The following ETS1 variants were observed in gnomAD, a reference collection of about 807,000 sequenced individuals.
ETS1 encodes the protein protein C-ets-1.
A neutral mutation model predicts 58.6 loss-of-function variants in ETS1; 15 were observed. That is an observed-to-expected ratio of 0.26 (90% CI 0.17 to 0.39). ETS1 has a LOEUF of 0.39. ETS1 is among the 10% of genes least tolerant of loss of function. ETS1 has a pLI of 1.00. For synonymous variants in ETS1, 214 were observed against 218.2 expected (o/e 0.98, Z 0.17); for missense variants, 417 against 610.5 (o/e 0.68, Z 3.34).
intron 7 of ETS1, among the ~76,000 whole-genome samples, chr11:128,482,743 T>C (rs1862521804): frequency 6.6e-6 from 1 of 152,152 alleles, no homozygotes; most frequent in Admixed American, 6.5e-5. Context: ...GCTGCTGCGC[T>C]CATGTAGGGA....
chr11:128,552,509 T>G (rs1430823647), intron 3 of ETS1, among the ~76,000 whole-genome samples: 1 of 152,240 alleles, frequency 6.6e-6, no homozygotes. Context: ...AGCAAGTATT[T>G]TGCAAAAGTG....
At chr11:128,584,737 C>G (rs953039856) in intron 1 of ETS1, among the ~76,000 whole-genome samples, 2 of 151,758 alleles carry the variant, frequency 1.3e-5, no homozygotes, top group Non-Finnish European at 2.9e-5. Flanking sequence ...TAATTTTTCC[C>G]AGGATTGAAG....
In ETS1 at chr11:128,509,106, C is replaced by G. The variant is rs77836973; in HGVS notation, c.215-18530G>C. On this transcript the variant is annotated intron_variant, in intron 3 of 9. Transcript: ENST00000392668. ...CCAGATCCTTTGGAGACTTTGCAGT[C>G]AGCCTGAAATTTCAAAGTTCTTTCA... 9.2e-3 allele frequency among the ~76,000 whole-genome samples: 1,397 copies of G among 152,242 alleles called. 15 individuals carry two copies. Among genetic ancestry groups the G allele is most frequent in the African/African-American group, 0.032 (1,327 of 41,526 alleles).
intron 3 of ETS1, chr11:128,522,147 G>A (rs1863695551): frequency 2.4e-5 from 31 of 1,314,110 alleles, no homozygotes; most frequent in Non-Finnish European, 3.0e-5. Flanking sequence ...TCTTTCCCCC[G>A]CGCCCGGACG....
intron 5 of ETS1, among the ~76,000 whole-genome samples, chr11:128,487,653 C>A (rs981044288): frequency 6.6e-6 from 1 of 152,028 alleles, no homozygotes; most frequent in Non-Finnish European, 1.5e-5. Context: ...GCAGGAGAAT[C>A]GCTTGAACCT....
intron 3 of ETS1, among the ~76,000 whole-genome samples, chr11:128,553,981 A>G (rs567885669): frequency 6.6e-6 from 1 of 152,296 alleles, no homozygotes; most frequent in East Asian, 1.9e-4. Flanking sequence ...TTTATATTCA[A>G]CACATCTCCA....
intron 3 of ETS1, chr11:128,529,065 A>G (rs550437448): frequency 1.3e-5 from 2 of 152,334 alleles, no homozygotes; most frequent in Non-Finnish European, 2.9e-5. Context: ...TGAATCTTTT[A>G]TTTCACTGGC....
chr11:128,504,680 G>A (rs929129637), intron 3 of ETS1, among the ~76,000 whole-genome samples: 2 of 152,124 alleles, frequency 1.3e-5, no homozygotes, highest in Non-Finnish European at 2.9e-5. Context: ...CTAGAACTCT[G>A]GCTCCCTCTC....
chr11:128,573,896 C>G (rs981110863), intron 1 of ETS1, among the ~76,000 whole-genome samples: 1 of 152,144 alleles, frequency 6.6e-6, no homozygotes, highest in Non-Finnish European at 1.5e-5. Context: ...TTTAAAAAGT[C>G]GTTCTTGAAT....
At chr11:128,536,299 T>G (rs1022856124) in intron 3 of ETS1, 6 of 152,068 alleles carry the variant, frequency 3.9e-5, no homozygotes, top group Admixed American at 1.3e-4. Flanking sequence ...CCAAGTAAAC[T>G]ATAAGGCAGA....
intron 1 of ETS1, among the ~76,000 whole-genome samples, chr11:128,582,745 G>C (rs931768580): frequency 6.6e-6 from 1 of 152,076 alleles, no homozygotes; most frequent in Non-Finnish European, 1.5e-5. Context: ...ATAAAACCAA[G>C]AAGTAAGCAT....
chr11:128,477,444 C>CA (rs1425526430), intron 8 of ETS1, among the ~76,000 whole-genome samples: 2 of 152,164 alleles, frequency 1.3e-5, no homozygotes, highest in African/African-American at 4.8e-5. Context: ...CATTTATAGG[C>CA]ACTCTAGTGA....
intron 3 of ETS1, among the ~76,000 whole-genome samples, chr11:128,546,153 C>A (rs2135547239): frequency 6.6e-6 from 1 of 152,322 alleles, no homozygotes; most frequent in South Asian, 2.1e-4. Context: ...CTGGGAAGTT[C>A]AAAGTAGTTG....
chr11:128,468,278 G>T (rs1862092292), intron 8 of ETS1, among the ~76,000 whole-genome samples: 1 of 152,156 alleles, frequency 6.6e-6, no homozygotes, highest in South Asian at 2.1e-4. Context: ...GAGCTGCAAG[G>T]CCCACTATCT....
At chr11:128,569,286 C>G (rs1864571681) in intron 2 of ETS1, among the ~76,000 whole-genome samples, 1 of 132,296 alleles carries the variant, frequency 7.6e-6, no homozygotes, top group African/African-American at 2.9e-5. Flanking sequence ...TCTTTTCACT[C>G]TGAATTTACC....
chr11:128,531,102 A>G (rs144228916), intron 3 of ETS1, among the ~76,000 whole-genome samples: 2 of 152,342 alleles, frequency 1.3e-5, no homozygotes, highest in East Asian at 3.9e-4. Flanking sequence ...TTTCCTCACT[A>G]TAGAATAAAT....
chr11:128,537,119 T>A (rs1315718786), intron 3 of ETS1, among the ~76,000 whole-genome samples: 3 of 152,216 alleles, frequency 2.0e-5, no homozygotes, highest in Admixed American at 6.5e-5. Flanking sequence ...TGCAAAATAC[T>A]GAAGATGCAT....
At chr11:128,566,009 C>T (rs572947631) in intron 2 of ETS1, among the ~76,000 whole-genome samples, 2 of 152,244 alleles carry the variant, frequency 1.3e-5, no homozygotes, top group East Asian at 1.9e-4. Flanking sequence ...GGAACTGCAT[C>T]GCAAGGAGGC....
In ETS1 at chr11:128,503,886, G is replaced by A. The variant is rs150396625; in HGVS notation, c.215-13310C>T. Among the ~76,000 whole-genome samples the A allele has an allele frequency of 2.3e-4, 35 of 152,230 alleles. 1 individual carries two copies. In the South Asian group the frequency reaches 3.5e-3, roughly 15 times the overall value. On this transcript the variant is annotated intron_variant, in intron 3 of 9. Coordinates refer to ENST00000392668, the MANE Select transcript of ETS1 (RefSeq NM_001143820.2). ...ATGTTGGTAAGCACATGAGATGGCC[G>A]TCCCTCTGCCTATCACAGGCTCCAA...
Sources: gnomAD v4.1 joint callset for allele counts (sites outside exome capture counted in the v4.1 genomes callset) on GRCh38, gnomAD v4.1.1 for gene constraint, MANE v1.5 for transcripts, NCBI Gene and HGNC (gene_info 2026-07-23, HGNC 2026-07-21) for gene names.